TNRC6C: variants seen among roughly 807,000 people sequenced by gnomAD.
The protein encoded by TNRC6C is trinucleotide repeat containing adaptor 6C, also known as trinucleotide repeat-containing gene 6C protein.
TNRC6C carries 20 observed loss-of-function variants against 153.7 expected under a neutral mutation model. That is an observed-to-expected ratio of 0.13 (90% CI 0.09 to 0.19). The LOEUF (loss-of-function observed/expected upper bound fraction) is 0.19, where lower values mean the gene tolerates loss of function less well. TNRC6C is among the 10% of genes least tolerant of loss of function. The probability of loss-of-function intolerance (pLI) is 1.00; values close to 1 mark genes in which losing one functional copy is unlikely to be tolerated. For missense variants in TNRC6C, 1,987 were observed against 2,172.0 expected, an observed-to-expected ratio of 0.91 and a Z score of 1.69; for synonymous variants, 811 against 841.4, an observed-to-expected ratio of 0.96 and a Z score of 0.63.
At chr17:78,016,514 T>A (rs1170189835) in intron 1 of TNRC6C, among the ~76,000 whole-genome samples, 2 of 152,220 alleles carry the variant, frequency 1.3e-5, no homozygotes, top group African/African-American at 2.4e-5. Flanking sequence ...GGATGGCTGT[T>A]CATTAACATT....
chr17:78,010,264 C>T (rs1445395224), intron 1 of TNRC6C, among the ~76,000 whole-genome samples: 1 of 152,128 alleles, frequency 6.6e-6, no homozygotes, highest in African/African-American at 2.4e-5. Context: ...ACCATGCGTT[C>T]AGTTTGTAAT....
chr17:78,065,010 G>A (rs2072846001), intron 4 of TNRC6C, 73 bp downstream of exon 6: 2 of 1,462,976 alleles, frequency 1.4e-6, no homozygotes, highest in East Asian at 2.5e-5. Context: ...TTAAAGATTA[G>A]AGTTTTAGGA....
intron 3 of TNRC6C, among the ~76,000 whole-genome samples, chr17:78,052,645 C>A (rs1311514984): frequency 6.6e-6 from 1 of 152,040 alleles, no homozygotes; most frequent in Admixed American, 6.6e-5. Context: ...TTGTCATAAG[C>A]GTTCAACAGG....
chr17:78,103,645 C>T (rs1305504296), intron 19 of TNRC6C, 92 bp downstream of exon 22: 3 of 1,530,562 alleles, frequency 2.0e-6, no homozygotes, highest in African/African-American at 2.8e-5. Context: ...TCCTGAGCCA[C>T]CATAGCAGAA....
At chr17:77,968,898 C>T (rs573069586) in intron 1 of TNRC6C, among the ~76,000 whole-genome samples, 173 of 152,312 alleles carry the variant, frequency 1.1e-3, no homozygotes, top group Non-Finnish European at 2.2e-3. Flanking sequence ...CACTTGCCCT[C>T]CTGAAACTGC....
intron 19 of TNRC6C, 63 bp downstream of exon 22, chr17:78,103,616 T>C: frequency 6.2e-7 from 1 of 1,601,300 alleles, no homozygotes; most frequent in East Asian, 2.2e-5. Context: ...AGCATTAGGT[T>C]AGGGGTGTTG....
chr17:78,033,580 A>G (rs1219295261), intron 2 of TNRC6C, among the ~76,000 whole-genome samples: 1 of 152,112 alleles, frequency 6.6e-6, no homozygotes, highest in Non-Finnish European at 1.5e-5. Flanking sequence ...GAGGCAGGAG[A>G]ATCGCTTGAA....
At chr17:78,066,269 C>G (rs1453726984) in intron 4 of TNRC6C, 1 of 151,158 alleles carries the variant, frequency 6.6e-6, no homozygotes, top group Non-Finnish European at 1.5e-5. Flanking sequence ...ACTGCAGAAG[C>G]TTCATCTTTT....
intron 9 of TNRC6C, among the ~76,000 whole-genome samples, chr17:78,078,794 G>C (rs184168995): frequency 2.8e-4 from 42 of 152,030 alleles, no homozygotes; most frequent in African/African-American, 1.0e-3. Context: ...GCAAAACCCC[G>C]TCTCTACTAA....
At chr17:78,010,457 G>T (rs897439058) in intron 1 of TNRC6C, among the ~76,000 whole-genome samples, 1 of 152,110 alleles carries the variant, frequency 6.6e-6, no homozygotes, top group Non-Finnish European at 1.5e-5. Context: ...AAGAATTGAG[G>T]TTTATAGCAT....
chr17:78,055,597 G>A lies in TNRC6C; in HGVS notation c.2395+4140G>A, dbSNP rs576205318. Among the ~76,000 whole-genome samples the A allele has an allele frequency of 2.6e-5, 4 of 152,150 alleles. No individual in the cohort carries two copies. The East Asian group carries it at 5.8e-4, about 22-fold the overall frequency. ...CTGTACGCAGTCAGTTGACCAAACC[G>A]TCATTATGCAGCCCATGACTATTTT... On this transcript the variant is annotated intron_variant, in intron 3 of 19. Transcript: ENST00000301624.
At chr17:77,973,108 T>C (rs1445185574) in intron 1 of TNRC6C, among the ~76,000 whole-genome samples, 1 of 152,214 alleles carries the variant, frequency 6.6e-6, no homozygotes, top group Non-Finnish European at 1.5e-5. Context: ...GGTTTCACTA[T>C]GTTGGCCAGG....
At chr17:78,058,550 C>T (rs1040143974) in intron 3 of TNRC6C, among the ~76,000 whole-genome samples, 1 of 152,136 alleles carries the variant, frequency 6.6e-6, no homozygotes, top group Non-Finnish European at 1.5e-5. Flanking sequence ...ATATGAAGGC[C>T]ATTATACAGT....
At chr17:78,010,935 T>A (rs531822908) in intron 1 of TNRC6C, among the ~76,000 whole-genome samples, 2 of 152,326 alleles carry the variant, frequency 1.3e-5, no homozygotes, top group Non-Finnish European at 2.9e-5. Context: ...ACAAAGGAAG[T>A]GAGCCTAGCG....
chr17:78,064,879 G>C, exon 4 of TNRC6C: 3 of 1,612,036 alleles, frequency 1.9e-6, no homozygotes, highest in Non-Finnish European at 2.5e-6. Context: ...CTGCAGAGCC[G>C]CCGGTGGCAT....
At position 78,049,427 on chromosome 17, in the gene TNRC6C, A is replaced by G. The variant is rs201681149; in HGVS notation, c.365A>G (p.Asn122Ser). Residue 122 changes from asparagine (N) to serine (S), a missense_variant, in exon 3 of 20, where the codon AAC (asparagine) becomes AGC (serine). Physicochemically the swap from Asn to Ser is conservative, Grantham distance 46. Coordinates refer to ENST00000301624, the Ensembl canonical transcript of TNRC6C. The surrounding 1 kb of genome is among the most constrained non-coding windows in gnomAD (Gnocchi z 4.1). ...CATGAAGGAACCGTGGCGACAGGCA[A>G]CCCTTCCAGTATTTGCAGTCCAGTC... 392 of 1,613,984 alleles carry G rather than the reference A, an allele frequency of 2.4e-4. No homozygotes were observed. The highest frequency in any genetic ancestry group is 2.8e-4 in the Non-Finnish European group (332 of 1,179,862).
At chr17:77,986,525 G>C (rs1045727916) in intron 1 of TNRC6C, among the ~76,000 whole-genome samples, 1 of 151,910 alleles carries the variant, frequency 6.6e-6, no homozygotes, top group Non-Finnish European at 1.5e-5. Flanking sequence ...CAGTTAATTT[G>C]TATGTTTAAA....
chr17:77,997,916 C>A lies in TNRC6C; in HGVS notation c.-37-6254C>A, dbSNP rs570348842. Among the ~76,000 whole-genome samples the A allele has an allele frequency of 3.3e-5, 5 of 152,166 alleles. No individual in the cohort carries two copies. In the South Asian group the frequency reaches 6.2e-4, roughly 19 times the overall value. On this transcript the variant is annotated intron_variant, in intron 1 of 22. Coordinates refer to the TNRC6C transcript ENST00000636222. The stretch of plus-strand genomic sequence containing the variant: ...TGATCCACCCACCTCGGCCTCCCAA[C>A]GTGCTGGGATTACAGGCGTGAGCCA...
At chr17:77,986,493 AAATT>A (rs1297659980) in intron 1 of TNRC6C, among the ~76,000 whole-genome samples, 1 of 152,130 alleles carries the variant, frequency 6.6e-6, no homozygotes, top group Non-Finnish European at 1.5e-5. Flanking sequence ...TCAAATAGGA[AAATT>A]AATTCTTACA....
Sources: gnomAD v4.1 joint callset for allele counts (sites outside exome capture counted in the v4.1 genomes callset) on GRCh38, gnomAD v4.1.1 for gene constraint, Gnocchi (gnomAD v3.1) non-coding constraint, MANE v1.5 for transcripts, NCBI Gene and HGNC (gene_info 2026-07-23, HGNC 2026-07-21) for gene names.